The following GRM7 variants were observed in gnomAD, a reference collection of about 807,000 sequenced individuals.
The protein encoded by GRM7 is metabotropic glutamate receptor 7.
In GRM7, 35 loss-of-function variants were observed where a neutral mutation model predicts 84.5. That is an observed-to-expected ratio of 0.41 (90% CI 0.32 to 0.55). The LOEUF is 0.55. Ranked by LOEUF, GRM7 falls within the 20% of genes least tolerant of loss-of-function variation. The pLI, the probability that GRM7 is intolerant of heterozygous loss-of-function variation, is 0.19. For missense variants in GRM7, 1,003 were observed against 1,194.6 expected (o/e 0.84, Z 2.36); for synonymous variants, 487 against 455.1 (o/e 1.07, Z -0.89).
At chr3:7,444,019 T>C (rs1261863145) in intron 5 of GRM7, among the ~76,000 whole-genome samples, 1 of 152,214 alleles carries the variant, frequency 6.6e-6, no homozygotes, top group Non-Finnish European at 1.5e-5. Flanking sequence ...GGTTCCAGTG[T>C]TGTCAACCTG....
intron 8 of GRM7, among the ~76,000 whole-genome samples, chr3:7,665,561 C>T (rs1382870247): frequency 1.3e-5 from 2 of 152,156 alleles, no homozygotes. Flanking sequence ...TCAGAATTTT[C>T]TTGTCAGTTC....
At chr3:7,452,123 G>A (rs774122430) in intron 5 of GRM7, among the ~76,000 whole-genome samples, 7 of 152,198 alleles carry the variant, frequency 4.6e-5, no homozygotes, top group Non-Finnish European at 8.8e-5. Context: ...GAAAGAAAAC[G>A]GACATCAGTG....
At chr3:7,267,519 A>C (rs932167143) in intron 2 of GRM7, among the ~76,000 whole-genome samples, 4 of 152,212 alleles carry the variant, frequency 2.6e-5, no homozygotes, top group Admixed American at 6.5e-5. Flanking sequence ...AGAATAGAGA[A>C]CAGAGTAGAG....
intron 2 of GRM7, among the ~76,000 whole-genome samples, chr3:7,208,060 G>A (rs1028547640): frequency 6.6e-6 from 1 of 152,098 alleles, no homozygotes; most frequent in African/African-American, 2.4e-5. Flanking sequence ...TTGAGAAGGT[G>A]CTTAGAAAAA....
At chr3:7,111,090 A>G (rs748385555) in intron 1 of GRM7, among the ~76,000 whole-genome samples, 9 of 152,148 alleles carry the variant, frequency 5.9e-5, no homozygotes, top group Non-Finnish European at 1.2e-4. Context: ...TGTGGGGTCA[A>G]TAACAGGTGT....
intron 7 of GRM7, among the ~76,000 whole-genome samples, chr3:7,576,476 G>C (rs1278811803): frequency 6.6e-6 from 1 of 152,136 alleles, no homozygotes; most frequent in African/African-American, 2.4e-5. Flanking sequence ...TTCCAAGTTA[G>C]CTACATTCAA....
intron 1 of GRM7, among the ~76,000 whole-genome samples, chr3:7,111,484 G>A (rs1357484471): frequency 3.3e-5 from 5 of 152,088 alleles, no homozygotes; most frequent in Admixed American, 3.3e-4. Flanking sequence ...ATTATAAAGA[G>A]GCAGGAGAAT....
rs142527180 is a variant in GRM7 at position 7,520,767 on chromosome 3, A to G, written c.1516-57655A>G. On this transcript the variant is annotated intron_variant, in intron 7 of 9. Coordinates refer to ENST00000357716, the MANE Select transcript of GRM7 (RefSeq NM_000844.4). ...CAGATTCCCATTTAAAATAGATCCCATTTCCCTGAGGGAGATCATCCAACT... is the reference window on the plus strand; with the variant it reads ...CAGATTCCCATTTAAAATAGATCCCGTTTCCCTGAGGGAGATCATCCAACT... Among the ~76,000 whole-genome samples, 793 of 152,218 alleles carry G rather than the reference A, an allele frequency of 5.2e-3. 15 individuals carry two copies. Among genetic ancestry groups the G allele is most frequent in the Admixed American group, 3.4e-3 (52 of 15,292 alleles).
intron 1 of GRM7, among the ~76,000 whole-genome samples, chr3:7,074,509 T>C (rs1232346037): frequency 6.6e-6 from 1 of 152,210 alleles, no homozygotes; most frequent in Non-Finnish European, 1.5e-5. Context: ...TTCTGCGACA[T>C]TATAAATACA....
intron 1 of GRM7, among the ~76,000 whole-genome samples, chr3:7,072,303 ACTTT>A (rs1697913791): frequency 1.3e-5 from 2 of 152,130 alleles, no homozygotes; most frequent in Admixed American, 1.3e-4. Flanking sequence ...GACCTTAAAT[ACTTT>A]TGGTAAGTCA....
chr3:7,285,468 C>T (rs973546145), intron 2 of GRM7, among the ~76,000 whole-genome samples: 13 of 152,048 alleles, frequency 8.5e-5, no homozygotes, highest in African/African-American at 2.7e-4. Context: ...GGGCCTAATA[C>T]GTAGTAAACC....
At chr3:7,268,928 A>T (rs1262520451) in intron 2 of GRM7, among the ~76,000 whole-genome samples, 1 of 152,206 alleles carries the variant, frequency 6.6e-6, no homozygotes, top group African/African-American at 2.4e-5. Flanking sequence ...TATAAGTTTC[A>T]TTTAACAGAT....
At chr3:7,048,429 TG>T (rs1696876975) in intron 1 of GRM7, among the ~76,000 whole-genome samples, 2 of 152,024 alleles carry the variant, frequency 1.3e-5, no homozygotes, top group East Asian at 3.9e-4. Context: ...TTAAAATGTG[TG>T]CTAAATTGAT....
intron 2 of GRM7, among the ~76,000 whole-genome samples, chr3:7,251,862 G>A (rs144763836): frequency 6.6e-6 from 1 of 152,282 alleles, no homozygotes; most frequent in African/African-American, 2.4e-5. Flanking sequence ...ACCTGATGTT[G>A]AGAGCAAATT....
intron 2 of GRM7, among the ~76,000 whole-genome samples, chr3:7,294,329 G>A (rs1699741311): frequency 6.6e-6 from 1 of 152,056 alleles, no homozygotes; most frequent in African/African-American, 2.4e-5. Context: ...CTGAGAAGAT[G>A]GTAAAGTAGC....
chr3:7,606,382 T>A (rs1164074326), intron 8 of GRM7, among the ~76,000 whole-genome samples: 3 of 152,170 alleles, frequency 2.0e-5, no homozygotes, highest in Non-Finnish European at 4.4e-5. Flanking sequence ...ACATTAAAAA[T>A]CTGATTAGGT....
intron 2 of GRM7, among the ~76,000 whole-genome samples, chr3:7,175,567 T>C (rs1022473324): frequency 6.6e-6 from 1 of 152,200 alleles, no homozygotes; most frequent in Non-Finnish European, 1.5e-5. Flanking sequence ...AGACAAAGTG[T>C]CACTCTATTG....
intron 7 of GRM7, among the ~76,000 whole-genome samples, chr3:7,480,503 C>T (rs76373208): frequency 0.043 from 6,593 of 152,280 alleles, 501 homozygotes; most frequent in African/African-American, 0.15. Context: ...CCATCAAAGT[C>T]TGGCATCGGC....
chr3:7,653,957 A>G (rs1374494172), intron 8 of GRM7, among the ~76,000 whole-genome samples: 1 of 151,920 alleles, frequency 6.6e-6, no homozygotes, highest in Non-Finnish European at 1.5e-5. Flanking sequence ...CACCCCTGCT[A>G]CTCCCTTGCC....
Sources: gnomAD v4.1 joint callset for allele counts (sites outside exome capture counted in the v4.1 genomes callset) on GRCh38, gnomAD v4.1.1 for gene constraint, MANE v1.5 for transcripts, NCBI Gene and HGNC (gene_info 2026-07-23, HGNC 2026-07-21) for gene names.